Variants in PDE1C observed in about 807,000 individuals in gnomAD.
PDE1C encodes the protein dual specificity calcium/calmodulin-dependent 3',5'-cyclic nucleotide phosphodiesterase 1C.
Under a neutral mutation model 93.1 loss-of-function variants are expected in PDE1C, and 62 were observed. The observed-to-expected ratio is 0.67, with a 90% CI of 0.54 to 0.82. The LOEUF is 0.82. Ranked by LOEUF, PDE1C falls within the 40% of genes least tolerant of loss-of-function variation. The pLI, the probability that PDE1C is intolerant of heterozygous loss-of-function variation, is 0.00. For synonymous variants in PDE1C, 325 were observed against 310.1 expected, an observed-to-expected ratio of 1.05 and a Z score of -0.50; for missense variants, 742 against 884.6, an observed-to-expected ratio of 0.84 and a Z score of 2.04.
intron 3 of PDE1C, among the ~76,000 whole-genome samples, chr7:32,128,744 T>C (rs1799728422): frequency 6.6e-6 from 1 of 151,398 alleles, no homozygotes; most frequent in Non-Finnish European, 1.5e-5. Flanking sequence ...ATCAATGTAC[T>C]ACTAGTGCAA....
chr7:32,116,465 G>A lies in PDE1C; in HGVS notation c.308+53320C>T, dbSNP rs569871759. ...CATCATAATAACCAAGAAGCAGGCA[G>A]GGGTTTGTCAGATTTATTCCAAGTA... On this transcript the variant is annotated intron_variant, in intron 3 of 18. Transcript: ENST00000396193. Among the ~76,000 whole-genome samples the A allele has an allele frequency of 2.6e-5, 4 of 152,222 alleles. No homozygotes were observed. The East Asian group carries it at 7.7e-4, about 29-fold the overall frequency.
intron 11 of PDE1C, among the ~76,000 whole-genome samples, chr7:31,835,997 T>G (rs1434692856): frequency 6.6e-6 from 1 of 152,228 alleles, no homozygotes; most frequent in Non-Finnish European, 1.5e-5. Flanking sequence ...AAGTTGTGAC[T>G]TGTGTTATTA....
At chr7:32,106,915 C>G (rs1008259272) in intron 3 of PDE1C, among the ~76,000 whole-genome samples, 2 of 149,972 alleles carry the variant, frequency 1.3e-5, no homozygotes, top group Admixed American at 1.3e-4. Context: ...ATACTAATGG[C>G]TCTAATGGAA....
intron 3 of PDE1C, among the ~76,000 whole-genome samples, chr7:32,084,467 C>A (rs1330017832): frequency 6.7e-6 from 1 of 148,316 alleles, no homozygotes; most frequent in Non-Finnish European, 1.5e-5. Flanking sequence ...AACAAGCATA[C>A]CCAGGAATTG....
At chr7:31,745,764 G>A in the PDE1C span, among the ~76,000 whole-genome samples, 1 of 152,194 alleles carries the variant, frequency 6.6e-6, no homozygotes, top group East Asian at 1.9e-4. Context: ...AGTAATAGAT[G>A]TCACTTCATG....
At chr7:32,333,163 T>C (rs1783547142) in intron 1 of PDE1C, among the ~76,000 whole-genome samples, 1 of 152,184 alleles carries the variant, frequency 6.6e-6, no homozygotes, top group Admixed American at 6.5e-5. Flanking sequence ...AGAGAGTCAG[T>C]GCCAAGCAAG....
chr7:32,099,932 C>G (rs569215140), intron 3 of PDE1C, among the ~76,000 whole-genome samples: 3 of 152,304 alleles, frequency 2.0e-5, no homozygotes, highest in Admixed American at 6.5e-5. Context: ...CCCATGCCCC[C>G]ACCCCTCATT....
At chr7:32,228,060 C>T (rs1302872058) in intron 1 of PDE1C, among the ~76,000 whole-genome samples, 1 of 152,254 alleles carries the variant, frequency 6.6e-6, no homozygotes, top group Non-Finnish European at 1.5e-5. Flanking sequence ...ACGCTGCTCC[C>T]AGATTCCTGC....
the PDE1C span, among the ~76,000 whole-genome samples, chr7:31,739,026 G>A: frequency 8.0e-3 from 923 of 115,402 alleles, 14 homozygotes; most frequent in Admixed American, 0.059. Context: ...ATATACATAT[G>A]CATGTACCTC....
chr7:32,310,353 G>A (rs1036195592), intron 1 of PDE1C, among the ~76,000 whole-genome samples: 1 of 152,130 alleles, frequency 6.6e-6, no homozygotes, highest in Non-Finnish European at 1.5e-5. Flanking sequence ...GAGACAGAAA[G>A]TTAGCAAGGA....
At chr7:32,319,758 C>T (rs1251677343) in intron 1 of PDE1C, among the ~76,000 whole-genome samples, 3 of 151,430 alleles carry the variant, frequency 2.0e-5, no homozygotes, top group Middle Eastern at 3.4e-3. Flanking sequence ...CAACAGCGAC[C>T]GCTCTGGGTA....
At chr7:31,753,613 C>A in intron 17 of PDE1C, 60 bp from the exon 18 acceptor site, 1 of 1,541,280 alleles carries the variant, frequency 6.5e-7, no homozygotes, top group Admixed American at 2.0e-5. Flanking sequence ...ATGCCACAAC[C>A]TAAATATTGT....
chr7:31,705,941 A>C, the PDE1C span, among the ~76,000 whole-genome samples: 6 of 145,254 alleles, frequency 4.1e-5, no homozygotes, highest in African/African-American at 1.5e-4. Context: ...TGGGGTGATC[A>C]GTCCAGAAAA....
intron 2 of PDE1C, among the ~76,000 whole-genome samples, chr7:31,931,574 C>T (rs967682573): frequency 6.6e-6 from 1 of 152,118 alleles, no homozygotes; most frequent in Non-Finnish European, 1.5e-5. Context: ...AACCACTGTT[C>T]AAGGAAATAA....
intron 2 of PDE1C, among the ~76,000 whole-genome samples, chr7:31,883,421 GATAAA>G (rs989181604): frequency 6.6e-6 from 1 of 152,152 alleles, no homozygotes; most frequent in African/African-American, 2.4e-5. Flanking sequence ...AGAAGAGACA[GATAAA>G]ATAAAATGCT....
chr7:31,959,539 A>T (rs1808626296), intron 2 of PDE1C, among the ~76,000 whole-genome samples: 1 of 152,182 alleles, frequency 6.6e-6, no homozygotes, highest in Admixed American at 6.6e-5. Flanking sequence ...GGATGCTAAC[A>T]ATAATTATAA....
At chr7:32,116,875 C>T (rs768333783) in intron 3 of PDE1C, among the ~76,000 whole-genome samples, 1 of 152,212 alleles carries the variant, frequency 6.6e-6, no homozygotes, top group African/African-American at 2.4e-5. Context: ...GCTTTAGTCA[C>T]ATCTCTGGAC....
chr7:32,001,625 C>T (rs1291575478), intron 2 of PDE1C, among the ~76,000 whole-genome samples: 2 of 152,096 alleles, frequency 1.3e-5, no homozygotes, highest in Admixed American at 1.3e-4. Flanking sequence ...GCGACCCCAT[C>T]ATTGAGGGAG....
rs991575224 is a variant in PDE1C at position 32,386,996 on chromosome 7, G to C, written c.310+40826C>G. ...GATAAACAAGTGAACAAAGGTCTCT[G>C]GTTTTCCTAGGCAGAGGACCCTGCG... On this transcript the variant is annotated intron_variant, in intron 1 of 1. Coordinates refer to the PDE1C transcript ENST00000672256. Among the ~76,000 whole-genome samples the C allele has an allele frequency of 3.1e-4, 47 of 151,264 alleles. 1 individual carries two copies. In the East Asian group the frequency reaches 4.3e-3, roughly 14 times the overall value.
Sources: allele counts gnomAD v4.1 joint callset (sites outside exome capture counted in the v4.1 genomes callset), GRCh38; gene constraint gnomAD v4.1.1; transcripts MANE v1.5; gene names NCBI Gene and HGNC (gene_info 2026-07-23, HGNC 2026-07-21).